Variants in MORC1 observed in about 807,000 individuals in gnomAD.
MORC1 encodes MORC family CW-type zinc finger 1.
A neutral mutation model predicts 134.9 loss-of-function variants in MORC1; 59 were observed. The ratio of observed to expected loss-of-function variants is 0.44; its 90% CI spans 0.35 to 0.54. The LOEUF (loss-of-function observed/expected upper bound fraction) is 0.54. Among genes scored for constraint, MORC1 ranks in the 20% least tolerant of loss-of-function variants. The probability of loss-of-function intolerance (pLI) is 0.00; values close to 1 mark genes in which losing one functional copy is unlikely to be tolerated. For missense variants in MORC1, 947 were observed against 1,134.5 expected, an observed-to-expected ratio of 0.83 and a Z score of 2.37; for synonymous variants, 395 against 391.7, an observed-to-expected ratio of 1.01 and a Z score of -0.10.
chr3:109,005,152 G>C lies in MORC1; in HGVS notation c.1931C>G (p.Ser644Cys). ...YISETKIMKKSMEEKMNSQQQ... is the reference protein window; with the variant it reads ...YISETKIMKKCMEEKMNSQQQ... ...TTGAGAGTTCATTTTCTCCTCCATA[G>C]ACTTTTTCATAATTTTTGTTTCTGA... Residue 644 changes from serine (S) to cysteine (C), a missense_variant, in exon 19 of 28, where the codon TCT (serine) becomes TGT (cysteine). Ser to Cys is a moderately radical substitution (Grantham distance 112, BLOSUM62 -1). Coordinates refer to ENST00000232603, the MANE Select transcript of MORC1 (RefSeq NM_014429.4). The C allele has an allele frequency of 6.2e-7, 1 of 1,613,758 alleles. No individual in the cohort carries two copies. The highest frequency in any genetic ancestry group is 8.5e-7 in the Non-Finnish European group (1 of 1,179,892).
chr3:109,001,802 C>T (rs142237422), intron 20 of MORC1, among the ~76,000 whole-genome samples: 7 of 152,260 alleles, frequency 4.6e-5, no homozygotes, highest in Non-Finnish European at 7.4e-5. Flanking sequence ...CCTATTTAAA[C>T]CTCACCTCTG....
At chr3:108,979,491 A>C in intron 24 of MORC1, 24 bp downstream of exon 24, 2 of 1,610,884 alleles carry the variant, frequency 1.2e-6, no homozygotes, top group Non-Finnish European at 1.7e-6. Flanking sequence ...AAGCATGTGG[A>C]AATATGTGAG....
At position 109,027,694 on chromosome 3, in the gene MORC1, T is replaced by A. The variant is rs1392724167; in HGVS notation, c.1704+57A>T. On this transcript the variant is annotated intron_variant, in intron 17 of 27. Transcript: ENST00000232603. The stretch of plus-strand genomic sequence containing the variant: ...AACCACTTTAGTCAATTTGCACATA[T>A]GAAACCAACAGTTAAAGAGTCACAG... 34 of 1,607,172 alleles carry A rather than the reference T, an allele frequency of 2.1e-5. No individual in the cohort carries two copies. The East Asian group carries it at 6.7e-4, about 32-fold the overall frequency.
At chr3:108,963,666 T>A (rs1422741502) in intron 26 of MORC1, 58 bp from the exon 27 acceptor site, 1 of 1,144,428 alleles carries the variant, frequency 8.7e-7, no homozygotes, top group Non-Finnish European at 1.2e-6. Flanking sequence ...TTCCCTCTAA[T>A]ATCACTAGAC....
intron 14 of MORC1, among the ~76,000 whole-genome samples, chr3:109,041,598 C>T (rs1949551975): frequency 6.6e-6 from 1 of 152,052 alleles, no homozygotes. Context: ...CCTGTAATCC[C>T]AGCACTTTCA....
intron 17 of MORC1, among the ~76,000 whole-genome samples, chr3:109,024,085 T>A (rs1478531816): frequency 6.6e-6 from 1 of 152,154 alleles, no homozygotes; most frequent in Non-Finnish European, 1.5e-5. Flanking sequence ...AGGTGACAGA[T>A]CTTGAATTTG....
rs1422871121 is a variant in MORC1 at position 109,103,868 on chromosome 3, A to G, written c.204T>C (p.Asp68=). The G allele has an allele frequency of 6.2e-7, 1 of 1,613,982 alleles. No individual in the cohort carries two copies. The highest frequency in any genetic ancestry group is 2.2e-5 in the East Asian group (1 of 44,864). Residue 68 remains aspartate, a synonymous_variant, in exon 4 of 28, where the codon GAT becomes GAC. Transcript: ENST00000232603. ...QGGFMLCFLD[D]GCGMSPEEAS... is the part of the protein sequence containing the mutation. Reference sequence around the variant, plus strand: ...ACTTACCAGGGCTCATGCCACATCCATCATCCAGGAAACACAACATGAATC... The same window carrying G: ...ACTTACCAGGGCTCATGCCACATCCGTCATCCAGGAAACACAACATGAATC...
chr3:109,035,733 T>C (rs1949364583), intron 14 of MORC1, among the ~76,000 whole-genome samples: 2 of 152,196 alleles, frequency 1.3e-5, no homozygotes. Context: ...ATAAATAGCA[T>C]GTATTTTAAA....
At chr3:108,980,190 C>T (rs905594833) in intron 23 of MORC1, among the ~76,000 whole-genome samples, 3 of 152,122 alleles carry the variant, frequency 2.0e-5, no homozygotes, top group African/African-American at 7.2e-5. Context: ...TTTAGAAATA[C>T]AATTATAACC....
chr3:109,040,456 G>GAAAT (rs1949502494), intron 14 of MORC1, among the ~76,000 whole-genome samples: 1 of 134,252 alleles, frequency 7.4e-6, no homozygotes. Context: ...AAGAAAGAAA[G>GAAAT]AAAGAAAGAA....
chr3:108,996,883 G>A (rs895038242), intron 21 of MORC1, among the ~76,000 whole-genome samples: 2 of 151,826 alleles, frequency 1.3e-5, no homozygotes, highest in African/African-American at 4.8e-5. Flanking sequence ...GGTGGCGGGT[G>A]CCTGTAGTCC....
intron 14 of MORC1, among the ~76,000 whole-genome samples, chr3:109,035,867 C>T (rs1305449164): frequency 6.6e-6 from 1 of 152,122 alleles, no homozygotes; most frequent in Admixed American, 6.5e-5. Flanking sequence ...AAATATTTAT[C>T]TTTCTTATCT....
At chr3:109,028,238 C>A (rs1479888129) in intron 16 of MORC1, among the ~76,000 whole-genome samples, 1 of 151,568 alleles carries the variant, frequency 6.6e-6, no homozygotes, top group Non-Finnish European at 1.5e-5. Flanking sequence ...GCCATTTCCC[C>A]CCCCAAAAAA....
intron 21 of MORC1, among the ~76,000 whole-genome samples, chr3:108,994,185 T>C (rs555853056): frequency 3.7e-4 from 55 of 150,426 alleles, no homozygotes; most frequent in African/African-American, 1.3e-3. Flanking sequence ...TGCTCTGTTC[T>C]AGACACCAGA....
intron 14 of MORC1, among the ~76,000 whole-genome samples, chr3:109,046,895 T>C (rs1315321206): frequency 1.3e-5 from 2 of 152,112 alleles, no homozygotes; most frequent in Non-Finnish European, 2.9e-5. Context: ...ATACAGTACT[T>C]TTTTTTCTTC....
Position 108,958,852 on chromosome 3 carries a change from C to G in MORC1, c.*113G>C, listed in dbSNP as rs1350397905. 1 of 643,412 alleles carries G rather than the reference C, an allele frequency of 1.6e-6. No homozygotes were observed. 39.9% of individuals were successfully genotyped at this position (643,412 alleles called of 1,614,324 possible). ...ATTTGAAAAAAATTATTTCTTATTT[C>G]TTATTGTTAAACAGAATAGACTTTA... is the stretch of plus-strand genomic sequence containing the variant. On this transcript the variant is annotated 3_prime_UTR_variant, in exon 28 of 28. Transcript: ENST00000232603.
At chr3:109,000,778 G>T in intron 20 of MORC1, 120 bp from the exon 21 acceptor site, 1 of 690,902 alleles carries the variant, frequency 1.4e-6, no homozygotes, top group Non-Finnish European at 2.4e-6. Flanking sequence ...GATATATAGC[G>T]AAAATTCAAT....
chr3:109,039,658 A>G (rs1281583357), intron 14 of MORC1, among the ~76,000 whole-genome samples: 2 of 152,168 alleles, frequency 1.3e-5, no homozygotes, highest in African/African-American at 4.8e-5. Flanking sequence ...CCTACACTCC[A>G]TGTTCCCGGA....
chr3:109,085,645 C>T (rs1296073292), intron 8 of MORC1, among the ~76,000 whole-genome samples: 1 of 151,906 alleles, frequency 6.6e-6, no homozygotes, highest in Non-Finnish European at 1.5e-5. Flanking sequence ...GGGGAACCCT[C>T]GGATGCTGTT....
Sources: gnomAD v4.1 joint callset for allele counts (sites outside exome capture counted in the v4.1 genomes callset) on GRCh38, gnomAD v4.1.1 for gene constraint, MANE v1.5 for transcripts, NCBI Gene and HGNC (gene_info 2026-07-23, HGNC 2026-07-21) for gene names.